The following EEPD1 variants were observed in gnomAD, a reference collection of about 807,000 sequenced individuals.
EEPD1 encodes the protein endonuclease/exonuclease/phosphatase family domain containing 1.
In EEPD1, 17 loss-of-function variants were observed where a neutral mutation model predicts 46.3. That is an observed-to-expected ratio of 0.37 (90% CI 0.25 to 0.55). EEPD1 has a LOEUF of 0.55. Ranked by LOEUF, EEPD1 falls within the 20% of genes least tolerant of loss-of-function variation. The pLI, the probability that EEPD1 is intolerant of heterozygous loss-of-function variation, is 0.83. For synonymous variants in EEPD1, 313 were observed against 315.6 expected (o/e 0.99, Z 0.09); for missense variants, 673 against 745.6 (o/e 0.90, Z 1.13).
At chr7:36,297,280 G>A (rs1787542700) in intron 7 of EEPD1, 93 bp downstream of exon 7, 4 of 1,359,818 alleles carry the variant, frequency 2.9e-6, no homozygotes, top group Non-Finnish European at 4.0e-6. Flanking sequence ...CTCCTCTGAG[G>A]CATACATAGG....
intron 3 of EEPD1, among the ~76,000 whole-genome samples, chr7:36,256,674 G>T (rs1352489228): frequency 6.6e-6 from 1 of 151,520 alleles, no homozygotes; most frequent in South Asian, 2.1e-4. Context: ...CCATTTGCTT[G>T]GTAAATATTC....
chr7:36,247,247 A>C (rs969621777), intron 3 of EEPD1, among the ~76,000 whole-genome samples: 168 of 152,202 alleles, frequency 1.1e-3, no homozygotes, highest in African/African-American at 3.7e-3. Flanking sequence ...AGAAGGAAAG[A>C]GGATGATAAG....
Position 36,220,890 on chromosome 7 carries a change from C to G in EEPD1, c.879-18095C>G, listed in dbSNP as rs150168084. Among the ~76,000 whole-genome samples, 162 of 152,282 alleles carry G rather than the reference C, an allele frequency of 1.1e-3. 2 individuals are homozygous for G. The East Asian group carries it at 0.013, about 12-fold the overall frequency. On this transcript the variant is annotated intron_variant, in intron 2 of 7. Coordinates refer to ENST00000242108, the MANE Select transcript of EEPD1 (RefSeq NM_030636.3). ...TCTCGGCTCACTGCAACCTCCACCT[C>G]CTGGGTTCAAGTGATTCTCCAGCCT... is the stretch of plus-strand genomic sequence containing the variant.
At chr7:36,219,394 C>A (rs534554636) in intron 2 of EEPD1, among the ~76,000 whole-genome samples, 1 of 151,842 alleles carries the variant, frequency 6.6e-6, no homozygotes, top group African/African-American at 2.4e-5. Context: ...GGGGACCTGG[C>A]TGGGTGTGGT....
intron 2 of EEPD1, among the ~76,000 whole-genome samples, chr7:36,190,881 G>A (rs949556139): frequency 2.6e-5 from 4 of 152,192 alleles, no homozygotes; most frequent in African/African-American, 7.2e-5. Context: ...CTCAGGACAG[G>A]CTCAGGCATG....
chr7:36,285,822 A>C (rs138911083), intron 5 of EEPD1, among the ~76,000 whole-genome samples: 1 of 152,304 alleles, frequency 6.6e-6, no homozygotes, highest in Non-Finnish European at 1.5e-5. Flanking sequence ...TTGAGGCTAC[A>C]AGGCCCTGTG....
intron 2 of EEPD1, among the ~76,000 whole-genome samples, chr7:36,156,717 C>T (rs569615548): frequency 2.6e-5 from 4 of 152,300 alleles, no homozygotes; most frequent in African/African-American, 7.2e-5. Context: ...GTGGTCCCCC[C>T]TGGGGACCAG....
chr7:36,182,836 A>G (rs1285051683), intron 2 of EEPD1, among the ~76,000 whole-genome samples: 1 of 152,238 alleles, frequency 6.6e-6, no homozygotes, highest in South Asian at 2.1e-4. Context: ...GTGAAGTTAA[A>G]TCCAGTATCT....
intron 3 of EEPD1, among the ~76,000 whole-genome samples, chr7:36,271,131 C>T (rs1029719860): frequency 2.0e-4 from 31 of 151,962 alleles, no homozygotes; most frequent in African/African-American, 7.0e-4. Flanking sequence ...GGATTACAGG[C>T]GCCCGCCACC....
chr7:36,200,014 T>A (rs899257637), intron 2 of EEPD1, among the ~76,000 whole-genome samples: 1 of 152,144 alleles, frequency 6.6e-6, no homozygotes, highest in Non-Finnish European at 1.5e-5. Flanking sequence ...CATGTGCAGG[T>A]TTGTTATATA....
At chr7:36,156,508 C>T (rs958627342) in intron 2 of EEPD1, among the ~76,000 whole-genome samples, 2 of 152,148 alleles carry the variant, frequency 1.3e-5, no homozygotes, top group African/African-American at 4.8e-5. Context: ...TAATTGTTCT[C>T]TTTATCCATA....
intron 2 of EEPD1, among the ~76,000 whole-genome samples, chr7:36,238,024 T>G (rs528604008): frequency 1.3e-5 from 2 of 152,196 alleles, no homozygotes; most frequent in Non-Finnish European, 2.9e-5. Context: ...CGATTATTTA[T>G]GAGTTTTCTA....
At chr7:36,155,806 A>G (rs1784815835) in intron 2 of EEPD1, among the ~76,000 whole-genome samples, 1 of 152,164 alleles carries the variant, frequency 6.6e-6, no homozygotes, top group Non-Finnish European at 1.5e-5. Flanking sequence ...AGCCAGAAAA[A>G]AGCAAGCTGA....
intron 6 of EEPD1, among the ~76,000 whole-genome samples, chr7:36,296,694 C>CTTTTTTTTTT (rs60706978): frequency 3.6e-5 from 3 of 83,130 alleles, no homozygotes; most frequent in African/African-American, 4.7e-5. Context: ...ACCCTTAGGT[C>CTTTTTTTTTT]TTTTTTTTTT....
At chr7:36,200,588 A>T (rs1460528250) in intron 2 of EEPD1, among the ~76,000 whole-genome samples, 1 of 152,206 alleles carries the variant, frequency 6.6e-6, no homozygotes, top group Non-Finnish European at 1.5e-5. Context: ...TTCACATTCC[A>T]GTTTTCTCTC....
At chr7:36,183,127 A>G (rs922879686) in intron 2 of EEPD1, among the ~76,000 whole-genome samples, 1 of 152,154 alleles carries the variant, frequency 6.6e-6, no homozygotes, top group African/African-American at 2.4e-5. Flanking sequence ...TCAAAGACCA[A>G]CTGTTCTAAC....
rs561791250 is a variant in EEPD1 at position 36,234,066 on chromosome 7, C to T, written c.879-4919C>T. On this transcript the variant is annotated intron_variant, in intron 2 of 7. Coordinates refer to ENST00000242108, the MANE Select transcript of EEPD1 (RefSeq NM_030636.3). The stretch of plus-strand genomic sequence containing the variant: ...CTGAGTAGCTGGGATTACAGGCGCC[C>T]GCCACCATGCCTGGGCTAATTTTTG... 5.3e-5 allele frequency among the ~76,000 whole-genome samples: 8 copies of T among 152,138 alleles called. No homozygotes were observed. In the South Asian group the frequency reaches 8.3e-4, roughly 16 times the overall value.
chr7:36,185,463 C>G (rs1345841088), intron 2 of EEPD1, among the ~76,000 whole-genome samples: 3 of 152,152 alleles, frequency 2.0e-5, no homozygotes, highest in Non-Finnish European at 2.9e-5. Context: ...TTTTAACATT[C>G]TTGTATCTGT....
chr7:36,268,060 CA>C (rs1255664455), intron 3 of EEPD1, among the ~76,000 whole-genome samples: 2 of 152,156 alleles, frequency 1.3e-5, no homozygotes, highest in East Asian at 3.9e-4. Context: ...TTTTTTGAGC[CA>C]CCCAGTCTGT....
Sources: allele counts gnomAD v4.1 joint callset (sites outside exome capture counted in the v4.1 genomes callset), GRCh38; gene constraint gnomAD v4.1.1; transcripts MANE v1.5; gene names NCBI Gene and HGNC (gene_info 2026-07-23, HGNC 2026-07-21).